STPG2: variants seen among roughly 807,000 people sequenced by gnomAD.
STPG2 encodes sperm tail PG-rich repeat containing 2, also known as sperm-tail PG-rich repeat-containing protein 2.
A neutral mutation model predicts 54.2 loss-of-function variants in STPG2; 56 were observed. The ratio of observed to expected loss-of-function variants is 1.03; its 90% CI spans 0.83 to 1.29. STPG2 has a LOEUF of 1.29. STPG2 is among the 50% of genes most tolerant of loss of function. STPG2 has a pLI of 0.00. For missense variants in STPG2, 596 were observed against 544.9 expected (o/e 1.09, Z -0.93); for synonymous variants, 200 against 181.8 (o/e 1.10, Z -0.81).
chr4:97,998,993 A>G (rs532854796), intron 5 of STPG2, among the ~76,000 whole-genome samples: 8 of 147,584 alleles, frequency 5.4e-5, no homozygotes, highest in African/African-American at 1.8e-4. Flanking sequence ...CTTAACTTTA[A>G]TGCTCTTTCT....
intron 7 of STPG2, among the ~76,000 whole-genome samples, chr4:97,949,525 A>G (rs755713941): frequency 6.6e-6 from 1 of 152,008 alleles, no homozygotes; most frequent in Non-Finnish European, 1.5e-5. Flanking sequence ...TGCTTGCAAG[A>G]GGTTCTATTC....
At chr4:97,597,665 T>G (rs2148903371) in intron 10 of STPG2, among the ~76,000 whole-genome samples, 1 of 152,008 alleles carries the variant, frequency 6.6e-6, no homozygotes, top group East Asian at 1.9e-4. Context: ...CAGAAAAGGC[T>G]TTTGATAAAA....
At chr4:98,109,560 A>C (rs1004139196) in intron 3 of STPG2, among the ~76,000 whole-genome samples, 1 of 152,194 alleles carries the variant, frequency 6.6e-6, no homozygotes, top group Admixed American at 6.6e-5. Flanking sequence ...CAATATGAAC[A>C]GCTTTGCTCT....
chr4:97,864,063 C>T (rs1314885298), intron 8 of STPG2, among the ~76,000 whole-genome samples: 13 of 152,148 alleles, frequency 8.5e-5, no homozygotes, highest in African/African-American at 2.7e-4. Flanking sequence ...TCTCTCACCA[C>T]TCCTATTCAA....
chr4:97,699,346 C>T (rs1340847556), intron 10 of STPG2, among the ~76,000 whole-genome samples: 3 of 152,156 alleles, frequency 2.0e-5, no homozygotes, highest in Non-Finnish European at 4.4e-5. Context: ...GTCATACTAT[C>T]CAATTGATTA....
intron 10 of STPG2, among the ~76,000 whole-genome samples, chr4:97,665,708 G>A (rs531294728): frequency 6.6e-6 from 1 of 152,180 alleles, no homozygotes; most frequent in East Asian, 1.9e-4. Flanking sequence ...ACTGTTCATG[G>A]TGCCCAGGCT....
chr4:97,681,992 T>C (rs1231203427), intron 10 of STPG2, among the ~76,000 whole-genome samples: 7 of 151,944 alleles, frequency 4.6e-5, no homozygotes, highest in Non-Finnish European at 3.0e-5. Flanking sequence ...TGATTATTAA[T>C]AATAAGCAAT....
intron 8 of STPG2, among the ~76,000 whole-genome samples, chr4:97,900,543 C>A (rs1560578357): frequency 6.6e-6 from 1 of 152,070 alleles, no homozygotes; most frequent in Non-Finnish European, 1.5e-5. Flanking sequence ...TAATGACAGA[C>A]TGGATAAAGA....
chr4:97,849,691 C>A (rs954467926), intron 8 of STPG2, among the ~76,000 whole-genome samples: 19 of 152,110 alleles, frequency 1.2e-4, no homozygotes, highest in Non-Finnish European at 2.6e-4. Context: ...CACTGGCCAT[C>A]AGAGAAATGC....
intron 9 of STPG2, among the ~76,000 whole-genome samples, chr4:97,801,531 G>A (rs1727398834): frequency 6.6e-6 from 1 of 152,182 alleles, no homozygotes; most frequent in African/African-American, 2.4e-5. Context: ...TAGAAGCTAT[G>A]GTGAGTATGC....
intron 10 of STPG2, among the ~76,000 whole-genome samples, chr4:97,679,372 G>A (rs1189279625): frequency 6.6e-6 from 1 of 152,028 alleles, no homozygotes; most frequent in Non-Finnish European, 1.5e-5. Flanking sequence ...TTCTCTGATG[G>A]CCAGTAATGG....
chr4:97,705,509 C>T (rs948228258), intron 10 of STPG2, among the ~76,000 whole-genome samples: 12 of 151,620 alleles, frequency 7.9e-5, no homozygotes, highest in Non-Finnish European at 1.8e-4. Context: ...TATCTTTAGT[C>T]GAGACGGGGT....
intron 5 of STPG2, among the ~76,000 whole-genome samples, chr4:98,034,405 C>T (rs1084786): frequency 0.4 from 60,961 of 152,084 alleles, 13,694 homozygotes; most frequent in Admixed American, 0.54. Context: ...TGTGAAGTAC[C>T]TCTTCAAGGA....
intron 1 of STPG2, among the ~76,000 whole-genome samples, chr4:98,135,654 GAGA>G (rs1409472959): frequency 6.6e-6 from 1 of 151,652 alleles, no homozygotes; most frequent in Non-Finnish European, 1.5e-5. Flanking sequence ...TCCCAAATCA[GAGA>G]AGAAGGGAAG....
chr4:97,566,810 C>T (rs1261538649), intron 10 of STPG2, among the ~76,000 whole-genome samples: 1 of 148,428 alleles, frequency 6.7e-6, no homozygotes, highest in East Asian at 2.0e-4. Flanking sequence ...CATATTCTCA[C>T]TCATAGGTAG....
chr4:98,068,646 G>GAAGAAACTATTTCAAAA (rs1737905010), intron 5 of STPG2, among the ~76,000 whole-genome samples: 4 of 152,192 alleles, frequency 2.6e-5, no homozygotes, highest in African/African-American at 9.6e-5. Context: ...TGTTCCAGAA[G>GAAGAAACTATTTCAAAA]TTGTGTGTAG....
At chr4:97,964,000 C>G (rs139318409) in intron 7 of STPG2, among the ~76,000 whole-genome samples, 1 of 151,814 alleles carries the variant, frequency 6.6e-6, no homozygotes, top group Non-Finnish European at 1.5e-5. Context: ...CCTGTGGGAG[C>G]AAAATATAAT....
chr4:97,458,910 T>G (rs376959627), intron 4 of STPG2, among the ~76,000 whole-genome samples: 5 of 152,080 alleles, frequency 3.3e-5, no homozygotes, highest in Admixed American at 1.3e-4. Context: ...TAATTCTGGG[T>G]GTAGAATATT....
At chr4:97,528,035 G>A (rs1246040088) in intron 4 of STPG2, among the ~76,000 whole-genome samples, 1 of 152,038 alleles carries the variant, frequency 6.6e-6, no homozygotes, top group Non-Finnish European at 1.5e-5. Flanking sequence ...GGCTTTTGTT[G>A]CCATTGCTTT....
Sources: allele counts gnomAD v4.1 joint callset (sites outside exome capture counted in the v4.1 genomes callset), GRCh38; gene constraint gnomAD v4.1.1; transcripts MANE v1.5; gene names NCBI Gene and HGNC (gene_info 2026-07-23, HGNC 2026-07-21).